The following RBM25 variants were observed in gnomAD, a reference collection of about 807,000 sequenced individuals.
RBM25 encodes the protein RNA-binding protein 25.
RBM25 carries 19 observed loss-of-function variants against 120.7 expected under a neutral mutation model. That is an observed-to-expected ratio of 0.16 (90% CI 0.11 to 0.23). RBM25 has a LOEUF of 0.23. Among genes scored for constraint, RBM25 ranks in the 10% least tolerant of loss-of-function variants. The pLI is 1.00. For missense variants in RBM25, 605 were observed against 1,041.5 expected (o/e 0.58, Z 5.77); for synonymous variants, 390 against 326.7 (o/e 1.19, Z -2.09).
intron 1 of RBM25, among the ~76,000 whole-genome samples, chr14:73,065,578 C>A (rs1163619118): frequency 6.6e-6 from 1 of 152,126 alleles, no homozygotes; most frequent in Non-Finnish European, 1.5e-5. Context: ...GCGCACACTA[C>A]CATGCCTGGA....
chr14:73,061,046 T>G (rs931297546), intron 1 of RBM25, among the ~76,000 whole-genome samples: 1 of 150,904 alleles, frequency 6.6e-6, no homozygotes, highest in East Asian at 1.9e-4. Context: ...TTTTCTGAGT[T>G]GGTGTACTTT....
At chr14:73,092,667 C>T (rs1369579866) in intron 6 of RBM25, among the ~76,000 whole-genome samples, 1 of 151,432 alleles carries the variant, frequency 6.6e-6, no homozygotes, top group Non-Finnish European at 1.5e-5. Context: ...TGGTGTGCTG[C>T]ACCCATTAAC....
chr14:73,065,452 G>A (rs1895108021), intron 1 of RBM25, among the ~76,000 whole-genome samples: 1 of 138,600 alleles, frequency 7.2e-6, no homozygotes, highest in South Asian at 2.3e-4. Flanking sequence ...TTGAAACTGA[G>A]TCTTGCTCTG....
intron 2 of RBM25, among the ~76,000 whole-genome samples, chr14:73,074,594 G>A (rs918664382): frequency 2.2e-4 from 34 of 152,254 alleles, no homozygotes; most frequent in African/African-American, 7.7e-4. Flanking sequence ...GGGGGTGGCA[G>A]TAAGCTTAAT....
chr14:73,076,131 T>C (rs932174683), intron 2 of RBM25, among the ~76,000 whole-genome samples, 188 bp from the exon 3 acceptor site: 3 of 152,224 alleles, frequency 2.0e-5, no homozygotes, highest in African/African-American at 7.2e-5. Context: ...TAGTCTTTTT[T>C]GTAAGTTTAT....
intron 5 of RBM25, among the ~76,000 whole-genome samples, chr14:73,087,186 A>G (rs914067382): frequency 6.6e-6 from 1 of 152,018 alleles, no homozygotes; most frequent in Non-Finnish European, 1.5e-5. Flanking sequence ...TTTTGTTTTA[A>G]TATTTCTGTT....
At chr14:73,070,564 A>G (rs958610492) in intron 1 of RBM25, among the ~76,000 whole-genome samples, 1 of 152,142 alleles carries the variant, frequency 6.6e-6, no homozygotes, top group Non-Finnish European at 1.5e-5. Context: ...TGTATGGTTC[A>G]TGAGCACATT....
intron 5 of RBM25, 87 bp from the exon 6 acceptor site, chr14:73,087,914 T>C (rs1895725422): frequency 7.6e-7 from 1 of 1,323,446 alleles, no homozygotes; most frequent in Non-Finnish European, 1.0e-6. Context: ...ATTAAAACAT[T>C]TGGACTCTAG....
intron 17 of RBM25, among the ~76,000 whole-genome samples, chr14:73,113,485 G>A (rs1381418253): frequency 6.6e-6 from 1 of 151,826 alleles, no homozygotes; most frequent in African/African-American, 2.4e-5. Context: ...GTGGTCACGA[G>A]TTTGAGACCA....
At chr14:73,109,844 G>A (rs542358589) in intron 14 of RBM25, among the ~76,000 whole-genome samples, 45 of 152,036 alleles carry the variant, frequency 3.0e-4, no homozygotes, top group Non-Finnish European at 5.3e-4. Flanking sequence ...CGGATTACAG[G>A]TGTGTGCCAC....
chr14:73,100,595 A>C (rs1307213462), intron 9 of RBM25: 1 of 316,342 alleles, frequency 3.2e-6, no homozygotes, highest in African/African-American at 2.1e-5. Context: ...TTGATGGTCG[A>C]GATAATAAGG....
At position 73,109,300 on chromosome 14, in the gene RBM25, A is replaced by T. The variant is rs748171728; in HGVS notation, c.1542-42A>T. The T allele has an allele frequency of 3.2e-6, 5 of 1,584,614 alleles. No individual in the cohort carries two copies. The African/African-American group carries it at 4.1e-5, about 13-fold the overall frequency. ...GAGATGTCATGTTTACTTCTCAATGATCGGAGTATTAAATGAAGCCTTTTA... is the reference window on the plus strand; with the variant it reads ...GAGATGTCATGTTTACTTCTCAATGTTCGGAGTATTAAATGAAGCCTTTTA... On this transcript the variant is annotated intron_variant, in intron 13 of 18. Transcript: ENST00000261973.
At chr14:73,079,745 A>G (rs1390419070) in intron 4 of RBM25, among the ~76,000 whole-genome samples, 1 of 150,382 alleles carries the variant, frequency 6.6e-6, no homozygotes, top group Admixed American at 6.6e-5. Context: ...TCTCCTGGGC[A>G]CTCTGTAAGT....
At chr14:73,075,193 C>T (rs1371549350) in intron 2 of RBM25, among the ~76,000 whole-genome samples, 2 of 151,770 alleles carry the variant, frequency 1.3e-5, no homozygotes, top group African/African-American at 2.4e-5. Context: ...CAGAGTCTTG[C>T]ACCTGTCCCC....
chr14:73,103,913 C>G (rs910900121), intron 10 of RBM25, among the ~76,000 whole-genome samples: 77 of 71,788 alleles, frequency 1.1e-3, no homozygotes, highest in African/African-American at 1.7e-3. Flanking sequence ...CTGTCTCTCT[C>G]TCTCTCTCTC....
intron 4 of RBM25, among the ~76,000 whole-genome samples, chr14:73,082,466 G>A (rs1015029023): frequency 6.6e-6 from 1 of 151,780 alleles, no homozygotes; most frequent in African/African-American, 2.4e-5. Flanking sequence ...TAATTTTTTT[G>A]TTTTTGTAGA....
Position 73,085,430 on chromosome 14 carries a change from T to G in RBM25, c.382+1879T>G, listed in dbSNP as rs1895662494. On this transcript the variant is annotated intron_variant, in intron 5 of 18. Transcript: ENST00000261973. ...GAAAGTTGCCCCTGCATCTACTGTT[T>G]GGTAACTTAGAGGCATTTTTGTTGT... Among the ~76,000 whole-genome samples, 2 of 149,216 alleles carry G rather than the reference T, an allele frequency of 1.3e-5. 1 individual carries two copies. The highest frequency in any genetic ancestry group is 4.9e-5 in the African/African-American group (2 of 40,918).
Position 73,099,385 on chromosome 14 carries a change from C to T in RBM25, c.735C>T (p.Phe245=). The change falls in exon 8 of 19, where the codon TTC becomes TTT. Residue 245 remains phenylalanine (F), a synonymous_variant. Coordinates refer to ENST00000261973, the MANE Select transcript of RBM25 (RefSeq NM_021239.3). The part of the protein sequence containing the change: ...KKKKEKKEDI[F]RRFPVAPLIP... ...CTTGGTGGATTTTTTCACAGATTTT[C>T]CGCAGATTTCCAGTGGCCCCACTGA... 1 of 1,597,476 alleles carries T rather than the reference C, an allele frequency of 6.3e-7. No homozygotes were observed. The highest frequency in any genetic ancestry group is 8.5e-7 in the Non-Finnish European group (1 of 1,176,510).
chr14:73,100,584 T>C (rs1896037166), intron 9 of RBM25: 1 of 335,342 alleles, frequency 3.0e-6, no homozygotes, highest in Admixed American at 4.8e-5. Context: ...TGAAATGTAT[T>C]TTGATGGTCG....
Sources: gnomAD v4.1 joint callset for allele counts (sites outside exome capture counted in the v4.1 genomes callset) on GRCh38, gnomAD v4.1.1 for gene constraint, MANE v1.5 for transcripts, NCBI Gene and HGNC (gene_info 2026-07-23, HGNC 2026-07-21) for gene names.